The following PRDM16 variants were observed in gnomAD, a reference collection of about 807,000 sequenced individuals.
PRDM16 encodes PR/SET domain 16.
A neutral mutation model predicts 110.6 loss-of-function variants in PRDM16; 23 were observed. The ratio of observed to expected loss-of-function variants is 0.21; its 90% CI spans 0.15 to 0.29. The LOEUF is 0.29. PRDM16 is among the 10% of genes least tolerant of loss of function. PRDM16 has a pLI of 1.00. For missense variants in PRDM16, 1,615 were observed against 1,794.3 expected, an observed-to-expected ratio of 0.90 and a Z score of 1.81; for synonymous variants, 799 against 781.8, an observed-to-expected ratio of 1.02 and a Z score of -0.37.
intron 5 of PRDM16, among the ~76,000 whole-genome samples, chr1:3,397,710 T>C (rs1368997400): frequency 6.6e-6 from 1 of 152,248 alleles, no homozygotes; most frequent in African/African-American, 2.4e-5. Flanking sequence ...CCTCCTCGCT[T>C]CTTGGACCTC....
Position 3,404,603 on chromosome 1 carries a change from C to T in PRDM16, c.885-136C>T. 3.7e-6 allele frequency: 4 copies of T among 1,074,508 alleles called. 1 individual carries two copies. Among genetic ancestry groups the T allele is most frequent in the Non-Finnish European group, 2.6e-6 (2 of 760,598 alleles). 66.6% of individuals were successfully genotyped at this position (1,074,508 alleles called of 1,614,324 possible). On this transcript the variant is annotated intron_variant, in intron 6 of 16. Transcript: ENST00000270722. ...CAGAGAGGAGGTGGGCAGGGAGACA[C>T]CAGCATGTGCTCTGATCCCTCGGCA...
chr1:3,092,871 T>C (rs2100601189), intron 1 of PRDM16, among the ~76,000 whole-genome samples: 1 of 152,130 alleles, frequency 6.6e-6, no homozygotes, highest in South Asian at 2.1e-4. Flanking sequence ...AAGGGGAAGA[T>C]TTGCAGCTGT....
chr1:3,404,935 C>T (rs1222591389), intron 7 of PRDM16, 49 bp downstream of exon 7: 3 of 1,583,012 alleles, frequency 1.9e-6, no homozygotes, highest in Admixed American at 3.8e-5. Context: ...CAGGAGGCTG[C>T]AGACGGGCGC....
intron 1 of PRDM16, among the ~76,000 whole-genome samples, chr1:3,145,572 C>T (rs1218675750): frequency 6.6e-6 from 1 of 152,192 alleles, no homozygotes; most frequent in Admixed American, 6.5e-5. Context: ...TCTGGTCCCT[C>T]TCCACGTGGT....
Position 3,255,786 on chromosome 1 carries a change from T to A in PRDM16, c.438+11649T>A, listed in dbSNP as rs1409135854. Among the ~76,000 whole-genome samples the A allele has an allele frequency of 1.3e-5, 2 of 151,966 alleles. No individual in the cohort carries two copies. The highest frequency in any genetic ancestry group is 6.5e-5 in the Admixed American group (1 of 15,270). ...CAGCAGACACACATAGTCCTCATCC[T>A]CCTTAGGCCTTGGCTCAGAATGAAC... is the stretch of plus-strand genomic sequence containing the variant. On this transcript the variant is annotated intron_variant, in intron 3 of 16. Transcript: ENST00000270722. This position sits in a 1 kb window ranked among gnomAD's most constrained non-coding sequence, Gnocchi z 4.7.
chr1:3,403,930 A>C (rs1032485404), intron 6 of PRDM16, among the ~76,000 whole-genome samples: 2 of 152,218 alleles, frequency 1.3e-5, no homozygotes, highest in Non-Finnish European at 2.9e-5. Flanking sequence ...TGACTGAGAA[A>C]ATAAACGTTT....
At chr1:3,351,562 CATCCCCTTCCTCCTTCTCT>C (rs1557626849) in intron 3 of PRDM16, among the ~76,000 whole-genome samples, 6 of 2,822 alleles carry the variant, frequency 2.1e-3, no homozygotes, top group Non-Finnish European at 3.7e-3. Flanking sequence ...CTCCCTCTCT[CATCCCCTTCCTCCTTCTCT>C]CCCTCCCTCT....
intron 12 of PRDM16, among the ~76,000 whole-genome samples, chr1:3,422,073 CAGGGCAGACAAGCAGGAAGGA>C (rs1206001339): frequency 6.9e-6 from 1 of 144,560 alleles, no homozygotes; most frequent in Non-Finnish European, 1.5e-5. Flanking sequence ...GACAGACAGG[CAGGGCAGACAAGCAGGAAGGA>C]AGATAGGCAG....
chr1:3,412,808 G>A lies in PRDM16; in HGVS notation c.2603+8G>A. The A allele has an allele frequency of 2.1e-6, 3 of 1,447,760 alleles. No individual in the cohort carries two copies. The highest frequency in any genetic ancestry group is 1.5e-5 in the South Asian group (1 of 67,628). The allele number at this position is 1,447,760 out of a possible 1,614,324, so 89.7% of individuals were successfully genotyped here. ...CATGGACCCCATCTACAGGTATTCAGCACCCCAGCCTCACTGGCTCTCCCT... is the reference window on the plus strand; with the variant it reads ...CATGGACCCCATCTACAGGTATTCAACACCCCAGCCTCACTGGCTCTCCCT... On this transcript the variant is annotated splice_region_variant and intron_variant, in intron 9 of 16. Transcript: ENST00000270722.
At position 3,359,291 on chromosome 1, in the gene PRDM16, G is replaced by T. The variant is rs541524084; in HGVS notation, c.439-25861G>T. On this transcript the variant is annotated intron_variant, in intron 3 of 16. Transcript: ENST00000270722. This position sits in a 1 kb window ranked among gnomAD's most constrained non-coding sequence, Gnocchi z 4.3. ...TAAATGCAGACTTGTTGAAGTTGCTGACCCTCCTGGCCAAGGGCAGCTGCC... is the reference window on the plus strand; with the variant it reads ...TAAATGCAGACTTGTTGAAGTTGCTTACCCTCCTGGCCAAGGGCAGCTGCC... 2.6e-5 allele frequency among the ~76,000 whole-genome samples: 4 copies of T among 152,154 alleles called. No homozygotes were observed. Among genetic ancestry groups the T allele is most frequent in the Non-Finnish European group, 5.9e-5 (4 of 68,028 alleles).
intron 1 of PRDM16, among the ~76,000 whole-genome samples, chr1:3,167,449 G>C (rs2100753625): frequency 6.6e-6 from 1 of 152,166 alleles, no homozygotes. Flanking sequence ...TGTCACCGGG[G>C]GTCACATTCG....
At chr1:3,280,389 G>A (rs1640687651) in intron 3 of PRDM16, among the ~76,000 whole-genome samples, 1 of 152,194 alleles carries the variant, frequency 6.6e-6, no homozygotes, top group African/African-American at 2.4e-5. Flanking sequence ...AGGTATATCT[G>A]GGAGGGTGCA....
chr1:3,424,600 G>A (rs558845456), intron 12 of PRDM16, among the ~76,000 whole-genome samples: 13 of 152,256 alleles, frequency 8.5e-5, no homozygotes, highest in Admixed American at 4.6e-4. Context: ...AACCGAGCCC[G>A]GGAGCTGGCA....
chr1:3,306,482 C>T (rs187180961), intron 3 of PRDM16, among the ~76,000 whole-genome samples: 1 of 152,326 alleles, frequency 6.6e-6, no homozygotes, highest in African/African-American at 2.4e-5. Context: ...TTCATTTACA[C>T]CTGGACACAG....
At chr1:3,394,093 G>A (rs1643345129) in intron 4 of PRDM16, among the ~76,000 whole-genome samples, 1 of 152,096 alleles carries the variant, frequency 6.6e-6, no homozygotes, top group Non-Finnish European at 1.5e-5. Context: ...GGTCCCAGGA[G>A]ACACCGGGGG....
chr1:3,206,639 C>T lies in PRDM16; in HGVS notation c.387+20165C>T, dbSNP rs1480286014. 3 of 152,248 alleles carry T rather than the reference C, an allele frequency of 2.0e-5. No homozygotes were observed. Among genetic ancestry groups the T allele is most frequent in the Admixed American group, 6.5e-5 (1 of 15,278 alleles). 9.4% of individuals were successfully genotyped at this position (152,248 alleles called of 1,614,324 possible). A position where few individuals can be genotyped will look rare whatever the true frequency, so the allele number is the denominator to read the frequency against. ...CTTCCATGGAGGACCTGTAGGAACCCGTGGCCTAGGGTGAGCTGGGTCTGA... is the reference window on the plus strand; with the variant it reads ...CTTCCATGGAGGACCTGTAGGAACCTGTGGCCTAGGGTGAGCTGGGTCTGA... On this transcript the variant is annotated intron_variant, in intron 2 of 16. Coordinates refer to ENST00000270722, the MANE Select transcript of PRDM16 (RefSeq NM_022114.4). The surrounding 1 kb of genome is among the most constrained non-coding windows in gnomAD (Gnocchi z 4.9).
At position 3,286,660 on chromosome 1, in the gene PRDM16, C is replaced by A. The variant is rs543193385; in HGVS notation, c.438+42523C>A. Reference sequence around the variant, plus strand: ...GGGCCTGGGGGTTCAGCCTTCTGCACCCCCAAGTTCCTCCCACACCAACTG... The same window carrying A: ...GGGCCTGGGGGTTCAGCCTTCTGCAACCCCAAGTTCCTCCCACACCAACTG... On this transcript the variant is annotated intron_variant, in intron 3 of 16. Transcript: ENST00000270722. Among the ~76,000 whole-genome samples, 873 of 147,282 alleles carry A rather than the reference C, an allele frequency of 5.9e-3. 9 individuals are homozygous for A. Among genetic ancestry groups the A allele is most frequent in the African/African-American group, 0.022 (823 of 36,864 alleles).
chr1:3,422,208 GGACAGACAGGCA>G (rs1208441819), intron 12 of PRDM16, among the ~76,000 whole-genome samples: 1 of 141,288 alleles, frequency 7.1e-6, no homozygotes, highest in African/African-American at 2.7e-5. Context: ...ACAGACAGAT[GGACAGACAGGCA>G]GACAGACAGG....
intron 1 of PRDM16, among the ~76,000 whole-genome samples, chr1:3,164,275 C>T (rs1034754895): frequency 3.3e-5 from 5 of 152,212 alleles, no homozygotes; most frequent in African/African-American, 9.7e-5. Flanking sequence ...CTGGGGTTGG[C>T]GAACAGTGTA....
Sources: gnomAD v4.1 joint callset for allele counts (sites outside exome capture counted in the v4.1 genomes callset) on GRCh38, gnomAD v4.1.1 for gene constraint, Gnocchi (gnomAD v3.1) non-coding constraint, MANE v1.5 for transcripts, NCBI Gene and HGNC (gene_info 2026-07-23, HGNC 2026-07-21) for gene names.